Variants in HIVEP3 observed in about 807,000 individuals in gnomAD.
HIVEP3 encodes transcription factor HIVEP3.
Under a neutral mutation model 152.8 loss-of-function variants are expected in HIVEP3, and 49 were observed. That is an observed-to-expected ratio of 0.32 (90% confidence interval 0.26 to 0.41). The LOEUF (loss-of-function observed/expected upper bound fraction) is 0.41, where lower values mean the gene tolerates loss of function less well. HIVEP3 is among the 10% of genes least tolerant of loss of function. The pLI is 1.00. For synonymous variants in HIVEP3, 1,269 were observed against 1,289.0 expected, an observed-to-expected ratio of 0.98 and a Z score of 0.33; for missense variants, 2,790 against 3,103.3, an observed-to-expected ratio of 0.90 and a Z score of 2.40.
chr1:41,921,694 C>G (rs1297083554), upstream of HIVEP3, among the ~76,000 whole-genome samples: 1 of 133,138 alleles, frequency 7.5e-6, no homozygotes, highest in Non-Finnish European at 1.7e-5. Context: ...CTCAGAGAAT[C>G]AGGATTGGAG....
chr1:41,906,719 G>T (rs12036528), intron 1 of HIVEP3, among the ~76,000 whole-genome samples: 1 of 152,256 alleles, frequency 6.6e-6, no homozygotes, highest in East Asian at 1.9e-4. Flanking sequence ...TTTAACAAGA[G>T]ACTTGATGTC....
At chr1:41,544,026 C>T in intron 5 of HIVEP3, 1 of 152,240 alleles carries the variant, frequency 6.6e-6, no homozygotes, top group Non-Finnish European at 1.5e-5. Flanking sequence ...GGTCCTGACA[C>T]AGCCACCAAA....
At chr1:41,738,065 A>C (rs1037371899) in intron 1 of HIVEP3, among the ~76,000 whole-genome samples, 4 of 152,218 alleles carry the variant, frequency 2.6e-5, no homozygotes, top group Admixed American at 6.5e-5. Context: ...AGCTGGTAGC[A>C]CTGAAACTCA....
At chr1:41,593,912 G>C (rs1301793754) in intron 3 of HIVEP3, among the ~76,000 whole-genome samples, 3 of 152,148 alleles carry the variant, frequency 2.0e-5, no homozygotes, top group Non-Finnish European at 4.4e-5. Context: ...CCAACTTCTA[G>C]AGGGTACCTG....
chr1:41,942,894 ATTTTCTTTTTT>A (rs1645052818), intron 1 of HIVEP3, among the ~76,000 whole-genome samples: 1 of 151,622 alleles, frequency 6.6e-6, no homozygotes, highest in African/African-American at 2.4e-5. Context: ...ATTTGTTTAT[ATTTTCTTTTTT>A]TTTTCTTTTT....
intron 1 of HIVEP3, among the ~76,000 whole-genome samples, chr1:41,995,942 C>G (rs916345440): frequency 1.1e-4 from 16 of 152,320 alleles, no homozygotes; most frequent in Admixed American, 9.8e-4. Context: ...CACGTATCCT[C>G]ACCTCCTCCT....
At chr1:41,981,270 A>C (rs1035355974) in intron 1 of HIVEP3, among the ~76,000 whole-genome samples, 2 of 152,232 alleles carry the variant, frequency 1.3e-5, no homozygotes, top group African/African-American at 4.8e-5. Flanking sequence ...CATCGAAATA[A>C]CAACACCTAA....
chr1:41,906,775 G>C (rs116744176), intron 1 of HIVEP3, among the ~76,000 whole-genome samples: 3,290 of 152,000 alleles, frequency 0.022, 69 homozygotes, highest in Non-Finnish European at 0.026. Context: ...CTAACGGTGA[G>C]AGTTACATAC....
At chr1:41,562,413 A>G (rs1467784513) in intron 5 of HIVEP3, among the ~76,000 whole-genome samples, 1 of 152,178 alleles carries the variant, frequency 6.6e-6, no homozygotes, top group Non-Finnish European at 1.5e-5. Flanking sequence ...GCTAAAAAAT[A>G]TTTGAATACC....
intron 1 of HIVEP3, among the ~76,000 whole-genome samples, chr1:41,950,552 A>G (rs961472405): frequency 2.6e-5 from 4 of 152,190 alleles, no homozygotes; most frequent in African/African-American, 9.7e-5. Flanking sequence ...TGTGCTTCTG[A>G]GTAGAATGCT....
chr1:41,701,363 A>C (rs756981183), intron 1 of HIVEP3, among the ~76,000 whole-genome samples: 9 of 152,262 alleles, frequency 5.9e-5, no homozygotes, highest in Non-Finnish European at 1.2e-4. Flanking sequence ...TCTTGCTTTC[A>C]TTATTCATTC....
intron 1 of HIVEP3, among the ~76,000 whole-genome samples, chr1:42,035,509 G>A (rs1181615242): frequency 6.6e-6 from 1 of 152,226 alleles, no homozygotes; most frequent in Non-Finnish European, 1.5e-5. Flanking sequence ...CAGGTGTGGG[G>A]CCCGGGCTGA....
chr1:41,674,036 G>A (rs749418328), intron 2 of HIVEP3, among the ~76,000 whole-genome samples: 2 of 152,218 alleles, frequency 1.3e-5, no homozygotes, highest in African/African-American at 4.8e-5. Flanking sequence ...ACACCAGGGC[G>A]GGGCATTTCC....
rs567097078 is a variant in HIVEP3 at position 41,677,141 on chromosome 1, A to G, written c.-721+23775T>C. Among the ~76,000 whole-genome samples the G allele has an allele frequency of 2.6e-5, 4 of 152,160 alleles. No individual in the cohort carries two copies. In the East Asian group the frequency reaches 5.8e-4, roughly 22 times the overall value. ...TAGCCATGCCTGAGCTCCACCACCT[A>G]CTCATCCCTATAAAATGAGACAATG... On this transcript the variant is annotated intron_variant, in intron 2 of 8. Coordinates refer to ENST00000372583, the MANE Select transcript of HIVEP3 (RefSeq NM_024503.5).
intron 5 of HIVEP3, among the ~76,000 whole-genome samples, chr1:41,572,150 G>A (rs749081186): frequency 6.6e-6 from 1 of 152,206 alleles, no homozygotes; most frequent in Non-Finnish European, 1.5e-5. Context: ...CACATGCTAA[G>A]TGTGAGGTGT....
At chr1:41,936,212 G>A (rs1180595880) in intron 1 of HIVEP3, among the ~76,000 whole-genome samples, 1 of 152,146 alleles carries the variant, frequency 6.6e-6, no homozygotes, top group Non-Finnish European at 1.5e-5. Flanking sequence ...AGTAACTAAT[G>A]CTTCCCAACC....
At chr1:41,959,170 C>G (rs1645156108) in intron 1 of HIVEP3, among the ~76,000 whole-genome samples, 1 of 152,218 alleles carries the variant, frequency 6.6e-6, no homozygotes, top group African/African-American at 2.4e-5. Context: ...GCTAAACATT[C>G]AAACCGCTAG....
At chr1:41,993,477 A>G (rs1411325271) in intron 1 of HIVEP3, among the ~76,000 whole-genome samples, 6 of 151,610 alleles carry the variant, frequency 4.0e-5, no homozygotes, top group South Asian at 2.1e-4. Context: ...TTAGAATGGC[A>G]ATCATTAAAA....
intron 1 of HIVEP3, among the ~76,000 whole-genome samples, chr1:41,783,906 A>G (rs1278606215): frequency 1.3e-5 from 2 of 152,242 alleles, no homozygotes; most frequent in Non-Finnish European, 2.9e-5. Context: ...AAAAGGGTGC[A>G]GCAGGGTGGC....
Sources: gnomAD v4.1 joint callset for allele counts (sites outside exome capture counted in the v4.1 genomes callset) on GRCh38, gnomAD v4.1.1 for gene constraint, MANE v1.5 for transcripts, NCBI Gene and HGNC (gene_info 2026-07-23, HGNC 2026-07-21) for gene names.